Variants in SNAP91 observed in about 807,000 individuals in gnomAD.
SNAP91 encodes synaptosome associated protein 91.
Under a neutral mutation model 100.3 loss-of-function variants are expected in SNAP91, and 27 were observed. The ratio of observed to expected loss-of-function variants is 0.27; its 90% CI spans 0.20 to 0.37. The LOEUF is 0.37. SNAP91 is among the 10% of genes least tolerant of loss of function. SNAP91 has a pLI of 1.00. For missense variants in SNAP91, 986 were observed against 1,123.7 expected, an observed-to-expected ratio of 0.88 and a Z score of 1.75; for synonymous variants, 404 against 398.6, an observed-to-expected ratio of 1.01 and a Z score of -0.16.
chr6:83,564,576 G>A (rs1242088895), intron 26 of SNAP91, among the ~76,000 whole-genome samples: 2 of 151,858 alleles, frequency 1.3e-5, no homozygotes, highest in Non-Finnish European at 2.9e-5. Flanking sequence ...TGTTGCCCAG[G>A]CTAGTCTCAG....
At chr6:83,655,173 C>T (rs2098363058) in intron 7 of SNAP91, among the ~76,000 whole-genome samples, 1 of 152,154 alleles carries the variant, frequency 6.6e-6, no homozygotes, top group Admixed American at 6.5e-5. Context: ...CTAAGGGCCC[C>T]AAAGACTGTG....
chr6:83,560,354 A>G, intron 27 of SNAP91, 146 bp from the exon 28 acceptor site: 1 of 651,654 alleles, frequency 1.5e-6, no homozygotes, highest in Non-Finnish European at 2.7e-6. Flanking sequence ...TTAATTAGGG[A>G]TAATGTGAGG....
chr6:83,639,773 G>C (rs2097604959), intron 8 of SNAP91, among the ~76,000 whole-genome samples: 1 of 152,160 alleles, frequency 6.6e-6, no homozygotes, highest in East Asian at 1.9e-4. Flanking sequence ...TAACAAATGA[G>C]AAACTGGGAT....
rs1582850612 is a variant in SNAP91, at chr6:83,593,166, G to A, written c.1774+16C>T. On this transcript the variant is annotated intron_variant, in intron 19 of 29. Coordinates refer to ENST00000369694, the MANE Select transcript of SNAP91 (RefSeq NM_001242792.2). ...TAAGAAACTAAAGTGAAAAAAAAGG[G>A]TTGCTTTGGTTTTACCTGTACTAAA... The A allele has an allele frequency of 1.3e-6, 2 of 1,572,040 alleles. No homozygotes were observed. Among genetic ancestry groups the A allele is most frequent in the Non-Finnish European group, 1.7e-6 (2 of 1,158,080 alleles).
chr6:83,691,852 A>G (rs975187022), intron 2 of SNAP91, among the ~76,000 whole-genome samples: 4 of 152,196 alleles, frequency 2.6e-5, no homozygotes, highest in African/African-American at 9.6e-5. Flanking sequence ...TCAAGTCTCA[A>G]CAATCTATAC....
intron 2 of SNAP91, among the ~76,000 whole-genome samples, chr6:83,706,771 T>C (rs1341942111): frequency 6.6e-6 from 1 of 152,230 alleles, no homozygotes; most frequent in Non-Finnish European, 1.5e-5. Context: ...GTGTCTCTCA[T>C]GCCAACATTC....
chr6:83,597,427 A>C (rs2094597386), intron 16 of SNAP91, among the ~76,000 whole-genome samples: 1 of 152,186 alleles, frequency 6.6e-6, no homozygotes, highest in Non-Finnish European at 1.5e-5. Flanking sequence ...AGTATTGCAA[A>C]CTAAAGTTAT....
intron 26 of SNAP91, among the ~76,000 whole-genome samples, chr6:83,571,948 G>C (rs1297466681): frequency 6.6e-6 from 1 of 152,116 alleles, no homozygotes; most frequent in Non-Finnish European, 1.5e-5. Context: ...TTTAATAAGG[G>C]GGAGTTTCCC....
intron 16 of SNAP91, among the ~76,000 whole-genome samples, chr6:83,600,926 A>G (rs889550799): frequency 3.6e-4 from 55 of 152,190 alleles, no homozygotes; most frequent in African/African-American, 1.2e-3. Context: ...CGAAAAGCTA[A>G]ATAAACCTAA....
rs1425412020 is a variant in SNAP91, at chr6:83,592,444, GA to G, written c.1930+10del. ...AGATTCCTTAAGTGTTGATGGAGGA[GA>G]AATACGCACCCCCAAAAAGGTCTAT... On this transcript the variant is annotated intron_variant, in intron 21 of 29. Transcript: ENST00000369694. 9.4e-6 allele frequency: 15 copies of G among 1,595,196 alleles called. No homozygotes were observed. The highest frequency in any genetic ancestry group is 1.7e-5 in the Admixed American group (1 of 59,422).
intron 9 of SNAP91, among the ~76,000 whole-genome samples, chr6:83,620,200 A>C (rs2096655814): frequency 6.6e-6 from 1 of 152,210 alleles, no homozygotes; most frequent in African/African-American, 2.4e-5. Context: ...TTTTGCTGAA[A>C]GAGGAATTCT....
intron 7 of SNAP91, among the ~76,000 whole-genome samples, chr6:83,645,208 CA>C (rs2097865548): frequency 6.6e-6 from 1 of 151,874 alleles, no homozygotes; most frequent in Non-Finnish European, 1.5e-5. Context: ...GGACCTTTAC[CA>C]TAGTGACTAT....
chr6:83,612,433 A>T (rs2096191796), intron 11 of SNAP91, among the ~76,000 whole-genome samples: 1 of 152,198 alleles, frequency 6.6e-6, no homozygotes, highest in Non-Finnish European at 1.5e-5. Context: ...TCAAGAAAAT[A>T]GTAGCATGAA....
chr6:83,594,550 C>G (rs1261194038), intron 16 of SNAP91, 69 bp from the exon 17 acceptor site: 3 of 981,214 alleles, frequency 3.1e-6, no homozygotes, highest in Non-Finnish European at 4.3e-6. Context: ...GTAAAAGAAC[C>G]AAGTTAAATT....
At chr6:83,606,578 C>G (rs1035765211) in intron 13 of SNAP91, among the ~76,000 whole-genome samples, 2 of 152,200 alleles carry the variant, frequency 1.3e-5, no homozygotes, top group African/African-American at 4.8e-5. Flanking sequence ...CAAAGCAATT[C>G]ACATGTACCT....
chr6:83,681,607 G>A (rs2098990836), intron 2 of SNAP91, among the ~76,000 whole-genome samples: 1 of 152,030 alleles, frequency 6.6e-6, no homozygotes, highest in African/African-American at 2.4e-5. Flanking sequence ...GGAAAAACAA[G>A]CAAGAAAAAG....
chr6:83,671,989 T>A (rs1301587589), intron 2 of SNAP91, among the ~76,000 whole-genome samples: 1 of 152,092 alleles, frequency 6.6e-6, no homozygotes, highest in Admixed American at 6.6e-5. Flanking sequence ...TAGCTGTCAC[T>A]TGCTCAAAAC....
At chr6:83,614,155 G>A (rs2096331744) in intron 11 of SNAP91, among the ~76,000 whole-genome samples, 1 of 152,066 alleles carries the variant, frequency 6.6e-6, no homozygotes, top group South Asian at 2.1e-4. Flanking sequence ...AAATACAGAT[G>A]TGAAAGATCT....
intron 14 of SNAP91, among the ~76,000 whole-genome samples, chr6:83,603,787 A>G (rs2095441918): frequency 6.6e-6 from 1 of 152,174 alleles, no homozygotes; most frequent in East Asian, 1.9e-4. Context: ...GCAATGCATG[A>G]TCTACATTGT....
Sources: allele counts gnomAD v4.1 joint callset (sites outside exome capture counted in the v4.1 genomes callset), GRCh38; gene constraint gnomAD v4.1.1; transcripts MANE v1.5; gene names NCBI Gene and HGNC (gene_info 2026-07-23, HGNC 2026-07-21).